NT5DC1: variants seen among roughly 807,000 people sequenced by gnomAD.
NT5DC1 encodes 5'-nucleotidase domain-containing protein 1.
A neutral mutation model predicts 59.4 loss-of-function variants in NT5DC1; 42 were observed. The ratio of observed to expected loss-of-function variants is 0.71; its 90% confidence interval spans 0.55 to 0.92. NT5DC1 has a LOEUF of 0.92. Ranked by LOEUF, NT5DC1 falls within the 40% of genes least tolerant of loss-of-function variation. The pLI, the probability that NT5DC1 is intolerant of heterozygous loss-of-function variation, is 0.00. For missense variants in NT5DC1, 501 were observed against 537.1 expected, an observed-to-expected ratio of 0.93 and a Z score of 0.66; for synonymous variants, 172 against 188.1, an observed-to-expected ratio of 0.91 and a Z score of 0.70.
chr6:116,142,612 G>A (rs1219821975), intron 6 of NT5DC1, among the ~76,000 whole-genome samples: 2 of 152,094 alleles, frequency 1.3e-5, no homozygotes, highest in African/African-American at 4.8e-5. Context: ...TTAGAGTCAG[G>A]AATGTCTTCA....
chr6:116,104,018 T>C (rs997942068), intron 1 of NT5DC1, among the ~76,000 whole-genome samples: 32 of 152,168 alleles, frequency 2.1e-4, no homozygotes, highest in African/African-American at 6.0e-4. Flanking sequence ...AGGGTACCAA[T>C]TGGCAACTGC....
intron 6 of NT5DC1, chr6:116,119,406 G>A (rs942721976): frequency 6.6e-6 from 1 of 152,396 alleles, no homozygotes; most frequent in African/African-American, 2.4e-5. Context: ...AGTTTGAAAA[G>A]GTTCATTGAT....
chr6:116,206,642 T>C (rs188663340), intron 6 of NT5DC1, among the ~76,000 whole-genome samples: 1 of 152,146 alleles, frequency 6.6e-6, no homozygotes, highest in Non-Finnish European at 1.5e-5. Context: ...CTGCAAATTA[T>C]GAATTTCTTT....
chr6:116,121,462 T>G, intron 6 of NT5DC1: 1 of 1,613,972 alleles, frequency 6.2e-7, no homozygotes, highest in Non-Finnish European at 8.5e-7. Context: ...TTTTTCCCAC[T>G]CCAGGAGGGC....
In NT5DC1 at chr6:116,246,478, C is replaced by CACACACACACACACACAT. The variant is rs1475652475; in HGVS notation, c.*2470_*2471insATACACACACACACACAC. ...AAAAATAACTTTAAATACACACACA[C>CACACACACACACACACAT]ACACACACACACACACTTTTAGTGA... On this transcript the variant is annotated 3_prime_UTR_variant, in exon 12 of 12. Coordinates refer to ENST00000319550, the MANE Select transcript of NT5DC1 (RefSeq NM_152729.3). 5.3e-5 allele frequency: 8 copies of CACACACACACACACACAT among 151,758 alleles called. No individual in the cohort carries two copies. Among genetic ancestry groups the CACACACACACACACACAT allele is most frequent in the African/African-American group, 1.7e-4 (7 of 41,312 alleles). 9.4% of individuals were successfully genotyped at this position (151,758 alleles called of 1,614,324 possible).
At chr6:116,149,749 C>T (rs1446303197) in intron 6 of NT5DC1, among the ~76,000 whole-genome samples, 1 of 152,136 alleles carries the variant, frequency 6.6e-6, no homozygotes, top group East Asian at 1.9e-4. Flanking sequence ...GGGATCTCCA[C>T]ATAAAATAAG....
intron 6 of NT5DC1, among the ~76,000 whole-genome samples, chr6:116,155,048 A>G (rs1780150119): frequency 1.3e-5 from 2 of 152,312 alleles, no homozygotes; most frequent in South Asian, 2.1e-4. Flanking sequence ...TTGGTTTGAC[A>G]GGGAGTATAC....
At chr6:116,227,870 G>T in intron 8 of NT5DC1, among the ~76,000 whole-genome samples, 1 of 152,158 alleles carries the variant, frequency 6.6e-6, no homozygotes, top group East Asian at 1.9e-4. Context: ...CCCCTTATCA[G>T]ATGTATGGTT....
At chr6:116,111,765 C>G (rs568241236) in intron 4 of NT5DC1, among the ~76,000 whole-genome samples, 1 of 151,998 alleles carries the variant, frequency 6.6e-6, no homozygotes, top group Admixed American at 6.6e-5. Context: ...GTTTTTATAG[C>G]GAGCTGAAAA....
chr6:116,244,278 G>T lies in NT5DC1; in HGVS notation c.*254G>T, dbSNP rs1382977369. The T allele has an allele frequency of 1.2e-5, 3 of 259,582 alleles. No individual in the cohort carries two copies. The highest frequency in any genetic ancestry group is 6.7e-5 in the African/African-American group (3 of 44,512). 16.1% of individuals were successfully genotyped at this position (259,582 alleles called of 1,614,324 possible). On this transcript the variant is annotated 3_prime_UTR_variant, in exon 12 of 12. Transcript: ENST00000319550. Reference sequence around the variant, plus strand: ...GTTTTGTGATTAGAATTCACCTGGGGACACACACTCACACGCACAGTCACT... The same window carrying T: ...GTTTTGTGATTAGAATTCACCTGGGTACACACACTCACACGCACAGTCACT...
intron 6 of NT5DC1, among the ~76,000 whole-genome samples, chr6:116,167,080 G>A (rs1220522601): frequency 2.6e-5 from 4 of 152,030 alleles, no homozygotes; most frequent in South Asian, 2.1e-4. Context: ...ACTATTCAGA[G>A]CATGTGATAT....
rs1778863477 is a variant in NT5DC1, at chr6:116,110,946, T to C, written c.354T>C (p.Ala118=). The change falls in exon 4 of 12, where the codon GCT becomes GCC. Residue 118 remains alanine, a synonymous_variant. Transcript: ENST00000319550. The part of the protein sequence containing the change: ...WKHFLSDTGM[A]CRSGKYYFYD... ...ACTTCTTGTCGGACACTGGAATGGC[T>C]TGCCGCTCAGGTATGACTCAAATGA... is the stretch of plus-strand genomic sequence containing the variant. 3 of 1,610,006 alleles carry C rather than the reference T, an allele frequency of 1.9e-6. No individual in the cohort carries two copies. Among genetic ancestry groups the C allele is most frequent in the East Asian group, 2.2e-5 (1 of 44,858 alleles).
At chr6:116,105,581 C>T (rs1226156052) in intron 1 of NT5DC1, among the ~76,000 whole-genome samples, 1 of 152,168 alleles carries the variant, frequency 6.6e-6, no homozygotes, top group Admixed American at 6.5e-5. Context: ...TAAAGTTAGC[C>T]AGCACTTAAA....
At chr6:116,145,528 A>T (rs1356227948) in intron 6 of NT5DC1, 1 of 314,596 alleles carries the variant, frequency 3.2e-6, no homozygotes, top group African/African-American at 2.1e-5. Flanking sequence ...TTATTTCATT[A>T]GAACTCCTGT....
rs184404769 is a variant in NT5DC1 at position 116,223,450 on chromosome 6, G to T, written c.802+319G>T. Among the ~76,000 whole-genome samples the T allele has an allele frequency of 1.4e-4, 22 of 152,282 alleles. No homozygotes were observed. The East Asian group carries it at 3.9e-3, about 27-fold the overall frequency. On this transcript the variant is annotated intron_variant, in intron 8 of 11. Coordinates refer to ENST00000319550, the MANE Select transcript of NT5DC1 (RefSeq NM_152729.3). ...TCAAGTTATCTTCTAGAACAAAAGC[G>T]CCTGTGGAACACATGAGGATCATAA...
At chr6:116,161,082 A>G (rs980031534) in intron 6 of NT5DC1, among the ~76,000 whole-genome samples, 1 of 151,518 alleles carries the variant, frequency 6.6e-6, no homozygotes, top group African/African-American at 2.4e-5. Context: ...TCAGTAAACT[A>G]TCGTAAGAAC....
Position 116,237,038 on chromosome 6 carries a change from AC to A in NT5DC1, c.877del (p.Leu293SerfsTer5). 4 of 1,613,322 alleles carry A rather than the reference AC, an allele frequency of 2.5e-6. No homozygotes were observed. Among genetic ancestry groups the A allele is most frequent in the Non-Finnish European group, 3.4e-6 (4 of 1,179,354 alleles). ...PGWYSQGNAVHLYELLKKMTG... is the reference protein window; with the variant it reads ...PGWYSQGNAVXLYELLKKMTG... ...TGGTACTCCCAAGGGAACGCTGTCC[AC>A]CTCTATGAACTTCTGAAGAAAATGA... On this transcript the variant is annotated frameshift_variant, in exon 9 of 12. Transcript: ENST00000319550. LOFTEE classifies it high-confidence loss of function.
intron 6 of NT5DC1, among the ~76,000 whole-genome samples, chr6:116,162,634 G>C (rs751979827): frequency 3.9e-4 from 59 of 152,092 alleles, no homozygotes; most frequent in Non-Finnish European, 6.8e-4. Context: ...CCACTTGATC[G>C]TGATGAATTA....
chr6:116,166,952 T>A (rs1402689523), intron 6 of NT5DC1, among the ~76,000 whole-genome samples: 1 of 152,184 alleles, frequency 6.6e-6, no homozygotes, highest in Non-Finnish European at 1.5e-5. Context: ...TCCTTTCTTG[T>A]CTTTATTAAT....
Sources: gnomAD v4.1 joint callset for allele counts (sites outside exome capture counted in the v4.1 genomes callset) on GRCh38, gnomAD v4.1.1 for gene constraint, MANE v1.5 for transcripts, NCBI Gene and HGNC (gene_info 2026-07-23, HGNC 2026-07-21) for gene names.